Variants in ACSL3 observed in about 807,000 individuals in gnomAD.
ACSL3 encodes the protein acyl-CoA synthetase long chain family member 3.
ACSL3 carries 34 observed loss-of-function variants against 84.7 expected under a neutral mutation model. That is an observed-to-expected ratio of 0.40 (90% CI 0.31 to 0.53). ACSL3 has a LOEUF of 0.53. Ranked by LOEUF, ACSL3 falls within the 20% of genes least tolerant of loss-of-function variation. ACSL3 has a pLI of 0.48. For missense variants in ACSL3, 680 were observed against 873.1 expected (o/e 0.78, Z 2.79); for synonymous variants, 315 against 299.4 (o/e 1.05, Z -0.54).
At chr2:222,869,320 A>G (rs1024209586) in intron 1 of ACSL3, among the ~76,000 whole-genome samples, 3 of 152,120 alleles carry the variant, frequency 2.0e-5, no homozygotes, top group Non-Finnish European at 4.4e-5. Flanking sequence ...GGTTATCATG[A>G]CTTATGTTAG....
At chr2:222,935,804 T>C (rs1697155003) in intron 16 of ACSL3, among the ~76,000 whole-genome samples, 1 of 152,236 alleles carries the variant, frequency 6.6e-6, no homozygotes, top group Admixed American at 6.5e-5. Flanking sequence ...CAATTTACTA[T>C]CTTAACATTT....
intron 3 of ACSL3, among the ~76,000 whole-genome samples, chr2:222,908,530 A>G (rs904899806): frequency 6.6e-6 from 1 of 152,132 alleles, no homozygotes; most frequent in Non-Finnish European, 1.5e-5. Flanking sequence ...TGTTTACAGT[A>G]TGATGTGGAA....
intron 6 of ACSL3, among the ~76,000 whole-genome samples, chr2:222,918,583 T>C (rs1696646968): frequency 1.3e-5 from 2 of 151,036 alleles, no homozygotes; most frequent in South Asian, 2.1e-4. Flanking sequence ...AAAAAGAGTT[T>C]CTTTGGTCTC....
chr2:222,876,124 T>C (rs1158000209), intron 1 of ACSL3, among the ~76,000 whole-genome samples: 1 of 152,194 alleles, frequency 6.6e-6, no homozygotes, highest in Non-Finnish European at 1.5e-5. Flanking sequence ...ACATTTGAGC[T>C]AGAGTTTGGA....
chr2:222,910,070 G>A (rs144033120), intron 4 of ACSL3, among the ~76,000 whole-genome samples: 1 of 152,122 alleles, frequency 6.6e-6, no homozygotes, highest in Non-Finnish European at 1.5e-5. Context: ...TCTGCAATGT[G>A]CTTAGAACAA....
At chr2:222,913,917 T>A (rs1696506395) in intron 4 of ACSL3, among the ~76,000 whole-genome samples, 2 of 152,192 alleles carry the variant, frequency 1.3e-5, no homozygotes, top group African/African-American at 4.8e-5. Flanking sequence ...GCCGTGTCCT[T>A]AGCATGTAGT....
intron 7 of ACSL3, 135 bp downstream of exon 7, chr2:222,919,337 C>T: frequency 1.1e-6 from 1 of 936,878 alleles, no homozygotes. Context: ...AAACAGGTCC[C>T]TCTAGGTATA....
intron 3 of ACSL3, among the ~76,000 whole-genome samples, chr2:222,903,258 C>T (rs1028996300): frequency 1.3e-5 from 2 of 152,134 alleles, no homozygotes; most frequent in African/African-American, 2.4e-5. Context: ...CCACTTGATT[C>T]CGCCTCTTGA....
intron 1 of ACSL3, among the ~76,000 whole-genome samples, chr2:222,876,328 G>T (rs1027243170): frequency 6.6e-6 from 1 of 151,686 alleles, no homozygotes; most frequent in East Asian, 1.9e-4. Flanking sequence ...TTGTTTGTTT[G>T]TTTTTTTGTT....
intron 5 of ACSL3, 196 bp from the exon 6 acceptor site, chr2:222,917,850 G>A (rs1188411022): frequency 3.5e-5 from 13 of 375,456 alleles, no homozygotes; most frequent in Non-Finnish European, 6.1e-5. Flanking sequence ...GAAATCTTGG[G>A]GCATTTAGGG....
chr2:222,920,295 T>A (rs553574424), intron 7 of ACSL3, among the ~76,000 whole-genome samples: 2 of 152,334 alleles, frequency 1.3e-5, no homozygotes, highest in South Asian at 4.1e-4. Flanking sequence ...ATTTAAATAA[T>A]TTTTTCACAC....
chr2:222,890,255 G>C (rs1438611444), intron 2 of ACSL3, among the ~76,000 whole-genome samples: 6 of 152,066 alleles, frequency 3.9e-5, no homozygotes, highest in African/African-American at 1.4e-4. Context: ...TTTTGGGGGT[G>C]GGAAGGGGAG....
intron 2 of ACSL3, among the ~76,000 whole-genome samples, chr2:222,893,175 G>T (rs1695883880): frequency 6.6e-6 from 1 of 152,164 alleles, no homozygotes; most frequent in African/African-American, 2.4e-5. Context: ...TGCACCGTCT[G>T]CAGTATTTTC....
chr2:222,924,881 C>T (rs1042138994), intron 11 of ACSL3, among the ~76,000 whole-genome samples: 2 of 151,958 alleles, frequency 1.3e-5, no homozygotes, highest in East Asian at 1.9e-4. Context: ...AAGAAATTAG[C>T]GGGGCTTGGT....
At chr2:222,901,350 T>C (rs1479233525) in intron 3 of ACSL3, among the ~76,000 whole-genome samples, 1 of 152,208 alleles carries the variant, frequency 6.6e-6, no homozygotes, top group Non-Finnish European at 1.5e-5. Flanking sequence ...CCCATTGAAA[T>C]TCAGTTGTCC....
chr2:222,898,175 T>A (rs1696038202), intron 2 of ACSL3, among the ~76,000 whole-genome samples: 1 of 152,196 alleles, frequency 6.6e-6, no homozygotes, highest in Non-Finnish European at 1.5e-5. Flanking sequence ...TTGTGTTGCT[T>A]GACTTTTATT....
chr2:222,873,972 C>A (rs1243883460), intron 1 of ACSL3, among the ~76,000 whole-genome samples: 1 of 152,126 alleles, frequency 6.6e-6, no homozygotes, highest in Non-Finnish European at 1.5e-5. Flanking sequence ...TATCTGTGCC[C>A]TTTAGTTTGA....
chr2:222,892,360 T>A lies in ACSL3; in HGVS notation c.-148+4472T>A, dbSNP rs567166854. Among the ~76,000 whole-genome samples, 953 of 152,302 alleles carry A rather than the reference T, an allele frequency of 6.3e-3. 9 individuals carry two copies. The highest frequency in any genetic ancestry group is 0.022 in the African/African-American group (902 of 41,562). ...TAGGTATCTAGGTATGTATTTTTAT[T>A]ATGTGTTTAGCTTTGGATGCCTGAG... On this transcript the variant is annotated intron_variant, in intron 2 of 16. Transcript: ENST00000357430.
Position 222,923,069 on chromosome 2 carries a change from A to G in ACSL3, c.1081-9A>G. ...CACTTTATATGGATCACTTTTTCTT[A>G]TTTTGTAGTCTTCAAAAATTAAAAA... On this transcript the variant is annotated splice_polypyrimidine_tract_variant and intron_variant, in intron 9 of 16. Transcript: ENST00000357430. 1 of 1,607,378 alleles carries G rather than the reference A, an allele frequency of 6.2e-7. No individual in the cohort carries two copies. Among genetic ancestry groups the G allele is most frequent in the Non-Finnish European group, 8.5e-7 (1 of 1,174,108 alleles).
Sources: gnomAD v4.1 joint callset for allele counts (sites outside exome capture counted in the v4.1 genomes callset) on GRCh38, gnomAD v4.1.1 for gene constraint, MANE v1.5 for transcripts, NCBI Gene and HGNC (gene_info 2026-07-23, HGNC 2026-07-21) for gene names.